The following PFKM variants were observed in gnomAD, a reference collection of about 807,000 sequenced individuals.
PFKM encodes phosphofructokinase, muscle, also known as ATP-dependent 6-phosphofructokinase, muscle type.
In PFKM, 58 loss-of-function variants were observed where a neutral mutation model predicts 95.5. The observed-to-expected ratio is 0.61, with a 90% confidence interval of 0.49 to 0.76. The LOEUF (loss-of-function observed/expected upper bound fraction) is 0.76, where lower values mean the gene tolerates loss of function less well. Ranked by LOEUF, PFKM falls within the 30% of genes least tolerant of loss-of-function variation. The pLI is 0.00. For synonymous variants in PFKM, 336 were observed against 357.2 expected, an observed-to-expected ratio of 0.94 and a Z score of 0.67; for missense variants, 678 against 1,005.4, an observed-to-expected ratio of 0.67 and a Z score of 4.40.
At chr12:48,140,517 C>T (rs1027294699) in intron 13 of PFKM, among the ~76,000 whole-genome samples, 1 of 152,228 alleles carries the variant, frequency 6.6e-6, no homozygotes, top group African/African-American at 2.4e-5. Flanking sequence ...ATTTATTGAT[C>T]TGTGATCAAG....
intron 4 of PFKM, chr12:48,132,282 A>G (rs1362334002): frequency 6.1e-6 from 2 of 327,368 alleles, no homozygotes; most frequent in Admixed American, 4.4e-5. Context: ...CTCTTGGGGT[A>G]TCTATAAGGC....
chr12:48,144,974 A>G, intron 20 of PFKM, 57 bp from the exon 21 acceptor site: 2 of 1,203,098 alleles, frequency 1.7e-6, no homozygotes, highest in Non-Finnish European at 2.5e-6. Flanking sequence ...GTGTCTAGAT[A>G]TCTCTGCCAC....
chr12:48,122,735 G>A lies in PFKM; in HGVS notation c.-8-32G>A, dbSNP rs756999182. ...AGCTAGTGGCATCTTGATTCCTGCT[G>A]TGTCTTAACTGACCATTGTCTTAAA... On this transcript the variant is annotated intron_variant, in intron 1 of 22. Transcript: ENST00000359794. The A allele has an allele frequency of 2.5e-6, 4 of 1,613,632 alleles. No homozygotes were observed. In the Admixed American group the frequency reaches 6.7e-5, roughly 27 times the overall value.
At chr12:48,109,430 T>A (rs753573069) in intron 3 of PFKM, among the ~76,000 whole-genome samples, 1 of 151,410 alleles carries the variant, frequency 6.6e-6, no homozygotes, top group Non-Finnish European at 1.5e-5. Context: ...TTAATCAGAC[T>A]TCCTTTGCCC....
At chr12:48,131,426 G>T in intron 4 of PFKM, 33 bp downstream of exon 4, 2 of 1,478,358 alleles carry the variant, frequency 1.4e-6, no homozygotes, top group Admixed American at 1.7e-5. Context: ...TCCCATATTT[G>T]CTCTGTCCTT....
At chr12:48,134,180 T>G (rs958798778) in intron 6 of PFKM, 52 bp from the exon 7 acceptor site, 28 of 1,511,070 alleles carry the variant, frequency 1.9e-5, no homozygotes, top group African/African-American at 2.7e-5. Context: ...GGTGGTGGCT[T>G]GATCTTGGCC....
intron 2 of PFKM, among the ~76,000 whole-genome samples, chr12:48,124,668 G>C (rs1565866589): frequency 6.6e-6 from 1 of 152,290 alleles, no homozygotes; most frequent in East Asian, 1.9e-4. Flanking sequence ...AGGGACTATA[G>C]ATAAGCTGAT....
intron 2 of PFKM, among the ~76,000 whole-genome samples, chr12:48,129,256 T>C (rs1949196536): frequency 1.5e-5 from 2 of 135,900 alleles, no homozygotes; most frequent in East Asian, 4.9e-4. Flanking sequence ...AGATGGAGTC[T>C]TGCTATGTTG....
At chr12:48,122,912 A>ACT (rs2137864665) in intron 2 of PFKM, 53 bp downstream of exon 2, 1 of 1,512,266 alleles carries the variant, frequency 6.6e-7, no homozygotes, top group Non-Finnish European at 9.2e-7. Flanking sequence ...GAATTTACTG[A>ACT]CTCCCTTAGC....
At chr12:48,118,697 C>A, upstream of PFKM, 1 of 656,008 alleles carries the variant, frequency 1.5e-6, no homozygotes, top group East Asian at 2.8e-5. Flanking sequence ...GAATCCCGCC[C>A]CCATCCCTCC....
intron 10 of PFKM, 67 bp downstream of exon 10, chr12:48,135,450 G>A (rs887874834): frequency 6.1e-5 from 71 of 1,155,974 alleles, no homozygotes; most frequent in Middle Eastern, 2.0e-4. Context: ...GCCCCCTCAG[G>A]GCTGCACTTC....
chr12:48,123,619 A>C (rs1237505223), intron 2 of PFKM, among the ~76,000 whole-genome samples: 1 of 152,208 alleles, frequency 6.6e-6, no homozygotes, highest in East Asian at 1.9e-4. Flanking sequence ...GATACATGAC[A>C]TGGAGACAAT....
chr12:48,145,830 C>A lies in PFKM; in HGVS notation c.*122C>A. ...AGGTTTCCTTTTATTCTGTACCTTG[C>A]AGCCATGACCAGTTCTGGCCAGGAG... On this transcript the variant is annotated 3_prime_UTR_variant, in exon 23 of 23. Coordinates refer to ENST00000359794, the MANE Select transcript of PFKM (RefSeq NM_000289.6). This position sits in a 1 kb window ranked among gnomAD's most constrained non-coding sequence, Gnocchi z 4.3. The A allele has an allele frequency of 1.8e-6, 2 of 1,084,012 alleles. No individual in the cohort carries two copies. The highest frequency in any genetic ancestry group is 2.7e-5 in the South Asian group (2 of 74,044). The allele number at this position is 1,084,012 out of a possible 1,614,324, so 67.1% of individuals were successfully genotyped here. A position where few individuals can be genotyped will look rare whatever the true frequency, so the allele number is the denominator to read the frequency against.
chr12:48,131,099 G>C (rs1949433182), intron 3 of PFKM, among the ~76,000 whole-genome samples: 1 of 152,174 alleles, frequency 6.6e-6, no homozygotes, highest in South Asian at 2.1e-4. Context: ...CCACATCCCA[G>C]TATTTCAAAA....
intron 10 of PFKM, among the ~76,000 whole-genome samples, chr12:48,136,966 G>A (rs185475697): frequency 6.6e-6 from 1 of 151,796 alleles, no homozygotes; most frequent in Admixed American, 6.5e-5. Flanking sequence ...ATGTTGGCCA[G>A]GCAGGTCTTG....
chr12:48,109,930 G>C (rs959368180), intron 3 of PFKM, among the ~76,000 whole-genome samples: 12 of 152,028 alleles, frequency 7.9e-5, no homozygotes, highest in Non-Finnish European at 1.6e-4. Context: ...ACTGTACTTG[G>C]CACTGGGAAT....
intron 9 of PFKM, 115 bp downstream of exon 9, chr12:48,135,153 C>T: frequency 1.8e-6 from 2 of 1,100,492 alleles, no homozygotes; most frequent in Non-Finnish European, 2.8e-6. Flanking sequence ...CTCCCTGGTT[C>T]CCTGCCCCTG....
At chr12:48,119,254 A>G (rs1947940305), upstream of PFKM, 1 of 984,388 alleles carries the variant, frequency 1.0e-6, no homozygotes, top group African/African-American at 1.7e-5. Flanking sequence ...CCTTCTTGTC[A>G]GCATCTGTTA....
Position 48,133,002 on chromosome 12 carries a change from G to A in PFKM, c.372G>A (p.Gly124=), listed in dbSNP as rs1949676255. 2 of 1,614,048 alleles carry A rather than the reference G, an allele frequency of 1.2e-6. No homozygotes were observed. The highest frequency in any genetic ancestry group is 1.7e-6 in the Non-Finnish European group (2 of 1,180,032). The change falls in exon 5 of 23, where the codon GGG becomes GGA. Residue 124 remains glycine, a synonymous_variant. Coordinates refer to ENST00000359794, the MANE Select transcript of PFKM (RefSeq NM_000289.6). ...TTGGGGGTGATGGCAGCCTCACTGG[G>A]GCTGACACCTTCCGTTCTGAGTGGA... ...CVIGGDGSLT[G]ADTFRSEWSD...
Sources: gnomAD v4.1 joint callset for allele counts (sites outside exome capture counted in the v4.1 genomes callset) on GRCh38, gnomAD v4.1.1 for gene constraint, Gnocchi (gnomAD v3.1) non-coding constraint, MANE v1.5 for transcripts, NCBI Gene and HGNC (gene_info 2026-07-23, HGNC 2026-07-21) for gene names.